AKT3: variants seen among roughly 807,000 people sequenced by gnomAD.
The protein encoded by AKT3 is RAC-gamma serine/threonine-protein kinase.
A neutral mutation model predicts 65.3 loss-of-function variants in AKT3; 15 were observed. The ratio of observed to expected loss-of-function variants is 0.23; its 90% confidence interval spans 0.15 to 0.35. The LOEUF is 0.35. Among genes scored for constraint, AKT3 ranks in the 10% least tolerant of loss-of-function variants. The pLI is 1.00. For synonymous variants in AKT3, 206 were observed against 183.8 expected (o/e 1.12, Z -0.98); for missense variants, 243 against 576.5 (o/e 0.42, Z 5.92).
chr1:243,508,655 CTTT>C (rs369887012), intron 13 of AKT3, among the ~76,000 whole-genome samples: 7 of 108,278 alleles, frequency 6.5e-5, no homozygotes, highest in South Asian at 3.1e-4. Context: ...AAAAGCCAGA[CTTT>C]TTTTTTTTTT....
At chr1:243,840,250 G>C (rs1179796775) in intron 2 of AKT3, among the ~76,000 whole-genome samples, 1 of 152,110 alleles carries the variant, frequency 6.6e-6, no homozygotes, top group East Asian at 1.9e-4. Flanking sequence ...CCAAATTAAA[G>C]TATGGCAGCT....
chr1:243,843,262 ACT>A lies in AKT3; in HGVS notation c.-94_-93del. ...ATTCTCTGCTGCTGCTGCCCTTCCC[ACT>A]CTCTAGTGATGACTCAGCCTGGAAG... On this transcript the variant is annotated 5_prime_UTR_variant, in exon 2 of 14. Coordinates refer to ENST00000673466, the MANE Select transcript of AKT3 (RefSeq NM_005465.7). The A allele has an allele frequency of 2.6e-6, 4 of 1,525,084 alleles. No homozygotes were observed. In the South Asian group the frequency reaches 3.9e-5, roughly 15 times the overall value. The allele number at this position is 1,525,084 out of a possible 1,614,324, so 94.5% of individuals were successfully genotyped here. A position where few individuals can be genotyped will look rare whatever the true frequency, so the allele number is the denominator to read the frequency against.
intron 2 of AKT3, among the ~76,000 whole-genome samples, chr1:243,774,861 T>C (rs1490373494): frequency 6.6e-6 from 1 of 152,134 alleles, no homozygotes; most frequent in Admixed American, 6.6e-5. Flanking sequence ...TCACATTGTA[T>C]TCCAATTATT....
At chr1:243,833,190 G>A (rs1007342961) in intron 2 of AKT3, among the ~76,000 whole-genome samples, 1 of 152,032 alleles carries the variant, frequency 6.6e-6, no homozygotes, top group Non-Finnish European at 1.5e-5. Context: ...AGGCAAAGGT[G>A]GCAGTGAGCC....
At chr1:243,694,150 T>C (rs1415796230) in intron 3 of AKT3, among the ~76,000 whole-genome samples, 1 of 152,156 alleles carries the variant, frequency 6.6e-6, no homozygotes, top group Non-Finnish European at 1.5e-5. Context: ...TTCTGTACTT[T>C]TATAAATTAT....
At chr1:243,712,750 G>T (rs1305145417) in intron 2 of AKT3, among the ~76,000 whole-genome samples, 1 of 152,040 alleles carries the variant, frequency 6.6e-6, no homozygotes, top group East Asian at 1.9e-4. Context: ...TATTTAAGGT[G>T]AAAGTAATAA....
At chr1:243,784,614 G>A (rs908565023) in intron 2 of AKT3, among the ~76,000 whole-genome samples, 8 of 152,134 alleles carry the variant, frequency 5.3e-5, no homozygotes, top group African/African-American at 1.4e-4. Flanking sequence ...ATCCACAGCC[G>A]GTGCACCAGC....
At chr1:243,644,994 T>C (rs1680696229) in intron 5 of AKT3, among the ~76,000 whole-genome samples, 1 of 152,182 alleles carries the variant, frequency 6.6e-6, no homozygotes, top group Non-Finnish European at 1.5e-5. Context: ...AAGTATAGAA[T>C]ATTATTCTTA....
At chr1:243,584,525 G>A (rs537869612) in intron 8 of AKT3, among the ~76,000 whole-genome samples, 3 of 152,118 alleles carry the variant, frequency 2.0e-5, no homozygotes, top group Non-Finnish European at 4.4e-5. Flanking sequence ...ATGAACACAG[G>A]TGCAAAAATC....
chr1:243,786,068 G>C (rs1413451787), intron 2 of AKT3, among the ~76,000 whole-genome samples: 3 of 152,226 alleles, frequency 2.0e-5, no homozygotes, highest in Admixed American at 6.5e-5. Flanking sequence ...ATCAAGAACA[G>C]TTAGGATTTT....
rs199573530 is a variant in AKT3 at position 243,506,334 on chromosome 1, AC to A, written c.1355-1001del. On this transcript the variant is annotated intron_variant, in intron 13 of 13. Transcript: ENST00000673466. The stretch of plus-strand genomic sequence containing the variant: ...AATCAGTGAATCTTTCCAATACTCA[AC>A]CCTTTTCTCTTCAAGCAAAATAATT... 4.1e-3 allele frequency among the ~76,000 whole-genome samples: 631 copies of A among 152,254 alleles called. 4 individuals are homozygous for A. Among genetic ancestry groups the A allele is most frequent in the African/African-American group, 0.014 (595 of 41,556 alleles).
intron 9 of AKT3, among the ~76,000 whole-genome samples, chr1:243,571,247 T>C (rs894010788): frequency 1.3e-5 from 2 of 151,856 alleles, no homozygotes; most frequent in African/African-American, 2.4e-5. Flanking sequence ...AACCAGGGAG[T>C]TGGAGGTTGC....
rs1271535359 is a variant in AKT3 at position 243,544,677 on chromosome 1, T to C, written c.1251+833A>G. 2.0e-5 allele frequency among the ~76,000 whole-genome samples: 3 copies of C among 148,818 alleles called. No individual in the cohort carries two copies. The East Asian group carries it at 6.1e-4, about 30-fold the overall frequency. ...GCAGATCACAATAAAACTAAACATA[T>C]GTAATTAGTAGTGGTTTTTTGTTTT... On this transcript the variant is annotated intron_variant, in intron 12 of 13. Transcript: ENST00000673466.
chr1:243,680,147 G>A (rs1683815019), intron 3 of AKT3, among the ~76,000 whole-genome samples: 1 of 152,122 alleles, frequency 6.6e-6, no homozygotes, highest in Non-Finnish European at 1.5e-5. Context: ...CATTAAAAAT[G>A]TCTAAAAATG....
intron 6 of AKT3, among the ~76,000 whole-genome samples, chr1:243,636,004 G>A (rs774279728): frequency 9.2e-5 from 14 of 152,050 alleles, no homozygotes; most frequent in Admixed American, 2.0e-4. Context: ...ACGTAGTTCT[G>A]TACAGTTACT....
chr1:243,514,823 C>T (rs995494477), intron 12 of AKT3, among the ~76,000 whole-genome samples: 1 of 151,932 alleles, frequency 6.6e-6, no homozygotes, highest in Non-Finnish European at 1.5e-5. Flanking sequence ...CGAGTAAAAC[C>T]CTCTCAAAAA....
intron 2 of AKT3, among the ~76,000 whole-genome samples, chr1:243,829,226 G>C (rs1337747222): frequency 6.6e-6 from 1 of 151,950 alleles, no homozygotes; most frequent in Non-Finnish European, 1.5e-5. Context: ...GAAAGAATAT[G>C]GAAGAAAGGA....
chr1:243,754,911 G>A (rs1193264540), intron 2 of AKT3, among the ~76,000 whole-genome samples: 3 of 152,186 alleles, frequency 2.0e-5, no homozygotes, highest in African/African-American at 2.4e-5. Context: ...TGACGAGGAA[G>A]AATGATCGGG....
chr1:243,603,777 C>A (rs1677190590), intron 8 of AKT3, among the ~76,000 whole-genome samples: 1 of 152,124 alleles, frequency 6.6e-6, no homozygotes, highest in Non-Finnish European at 1.5e-5. Context: ...ATTCCCCAAG[C>A]AGCAAACAGG....
Sources: allele counts gnomAD v4.1 joint callset (sites outside exome capture counted in the v4.1 genomes callset), GRCh38; gene constraint gnomAD v4.1.1; transcripts MANE v1.5; gene names NCBI Gene and HGNC (gene_info 2026-07-23, HGNC 2026-07-21).